AHI1: variants seen among roughly 807,000 people sequenced by gnomAD.
The protein encoded by AHI1 is jouberin.
In AHI1, 123 loss-of-function variants were observed where a neutral mutation model predicts 149.3. The observed-to-expected ratio is 0.82, with a 90% confidence interval of 0.71 to 0.96. The LOEUF is 0.96. Ranked by LOEUF, AHI1 falls within the 40% of genes least tolerant of loss-of-function variation. The pLI is 0.00. For missense variants in AHI1, 1,439 were observed against 1,422.7 expected, an observed-to-expected ratio of 1.01 and a Z score of -0.18; for synonymous variants, 475 against 459.8, an observed-to-expected ratio of 1.03 and a Z score of -0.42.
At chr6:135,348,092 C>A (rs1374553854) in intron 24 of AHI1, among the ~76,000 whole-genome samples, 3 of 152,142 alleles carry the variant, frequency 2.0e-5, no homozygotes, top group African/African-American at 7.2e-5. Flanking sequence ...AGACTAATCT[C>A]ACTGCTGGGG....
intron 5 of AHI1, 134 bp downstream of exon 5, chr6:135,490,489 A>G (rs1795100737): frequency 1.9e-6 from 2 of 1,028,092 alleles, no homozygotes; most frequent in African/African-American, 1.6e-5. Context: ...TATTTTTACC[A>G]CATGTTATTG....
intron 25 of AHI1, among the ~76,000 whole-genome samples, chr6:135,321,430 G>C (rs1236570124): frequency 6.6e-6 from 1 of 152,160 alleles, no homozygotes; most frequent in Non-Finnish European, 1.5e-5. Context: ...GACTGTGGCA[G>C]ATAAACTGAA....
intron 23 of AHI1, among the ~76,000 whole-genome samples, chr6:135,373,288 T>G (rs1309580824): frequency 1.3e-5 from 2 of 152,224 alleles, no homozygotes; most frequent in African/African-American, 4.8e-5. Context: ...TACAACTGCC[T>G]ATGGCATTAG....
intron 27 of AHI1, among the ~76,000 whole-genome samples, chr6:135,296,799 A>AT (rs1471314506): frequency 6.6e-6 from 1 of 152,086 alleles, no homozygotes; most frequent in Non-Finnish European, 1.5e-5. Context: ...TATAGCAGGG[A>AT]TTTTTTATCT....
intron 18 of AHI1, 108 bp from the exon 19 acceptor site, chr6:135,428,867 TTGAGAATC>T (rs1184544159): frequency 1.9e-6 from 2 of 1,031,758 alleles, no homozygotes; most frequent in African/African-American, 3.3e-5. Flanking sequence ...CAAACATTTT[TTGAGAATC>T]TGCCATATGG....
chr6:135,374,187 T>C lies in AHI1; in HGVS notation c.3110-16000A>G, dbSNP rs543810214. ...GGAGTGCAGTGGCGCAATCTCGGCT[T>C]ACTGCAAGCTCCACCTCCAGGTTCA... On this transcript the variant is annotated intron_variant, in intron 23 of 28. Transcript: ENST00000265602. 1.7e-3 allele frequency among the ~76,000 whole-genome samples: 249 copies of C among 145,352 alleles called. 1 individual carries two copies. Among genetic ancestry groups the C allele is most frequent in the African/African-American group, 6.1e-3 (239 of 39,326 alleles).
chr6:135,469,350 G>C (rs1791335922), intron 5 of AHI1, among the ~76,000 whole-genome samples: 1 of 152,084 alleles, frequency 6.6e-6, no homozygotes, highest in African/African-American at 2.4e-5. Flanking sequence ...GGTACTTATG[G>C]AACATACCTC....
At chr6:135,358,099 C>G (rs1372757962) in intron 24 of AHI1, 33 bp downstream of exon 24, 1 of 1,597,732 alleles carries the variant, frequency 6.3e-7, no homozygotes, top group Non-Finnish European at 8.6e-7. Context: ...ACTTTCTTAA[C>G]ACTTTTAACA....
chr6:135,360,437 G>A (rs886827462), intron 23 of AHI1, among the ~76,000 whole-genome samples: 9 of 152,146 alleles, frequency 5.9e-5, no homozygotes, highest in Admixed American at 5.9e-4. Context: ...GAGAGCGAGG[G>A]GATTCTGCCA....
At chr6:135,402,705 C>T (rs917446227) in intron 22 of AHI1, among the ~76,000 whole-genome samples, 3 of 152,152 alleles carry the variant, frequency 2.0e-5, no homozygotes, top group Admixed American at 1.3e-4. Context: ...AGGAAGACCT[C>T]TATGATGATT....
intron 26 of AHI1, chr6:135,302,672 A>G (rs1341211578): frequency 2.5e-6 from 3 of 1,191,820 alleles, no homozygotes; most frequent in South Asian, 3.2e-5. Flanking sequence ...ACACTTACTT[A>G]ACTAGGACCA....
chr6:135,340,640 CATAT>C (rs1307745954), intron 24 of AHI1, among the ~76,000 whole-genome samples: 1 of 72,628 alleles, frequency 1.4e-5, no homozygotes, highest in African/African-American at 5.2e-5. Context: ...AAAACCAGTA[CATAT>C]ATATACATAC....
At chr6:135,386,571 A>C (rs920280002) in intron 23 of AHI1, among the ~76,000 whole-genome samples, 8 of 152,004 alleles carry the variant, frequency 5.3e-5, no homozygotes, top group Non-Finnish European at 1.2e-4. Flanking sequence ...CGGCCTCCCA[A>C]AGTGCTGGGA....
Position 135,446,021 on chromosome 6 carries a change from A to G in AHI1, c.1779+987T>C, listed in dbSNP as rs916531492. On this transcript the variant is annotated intron_variant, in intron 13 of 28. Transcript: ENST00000265602. ...CAGTGAGCCGAGATTGCACCACTGC[A>G]CTCCAGCCTGGGCGACAGAGCAAGT... is the stretch of plus-strand genomic sequence containing the variant. Among the ~76,000 whole-genome samples, 11 of 151,594 alleles carry G rather than the reference A, an allele frequency of 7.3e-5. No individual in the cohort carries two copies. In the East Asian group the frequency reaches 1.7e-3, roughly 24 times the overall value.
chr6:135,384,648 T>G (rs973233318), intron 23 of AHI1, among the ~76,000 whole-genome samples: 2 of 152,212 alleles, frequency 1.3e-5, no homozygotes, highest in African/African-American at 4.8e-5. Context: ...CAAGTTTTAT[T>G]ATTAAAAGTG....
chr6:135,438,600 A>G (rs1055082789), intron 14 of AHI1, 102 bp from the exon 15 acceptor site: 1 of 908,746 alleles, frequency 1.1e-6, no homozygotes, highest in African/African-American at 1.7e-5. Flanking sequence ...GCAGTCTATA[A>G]CAAAATTATA....
intron 23 of AHI1, among the ~76,000 whole-genome samples, chr6:135,360,709 T>C (rs1011259199): frequency 5.3e-5 from 8 of 152,254 alleles, no homozygotes; most frequent in Admixed American, 1.3e-4. Flanking sequence ...TCATTCAACA[T>C]AATTGTGTAG....
rs77777890 is a variant in AHI1, at chr6:135,329,876, T to C, written c.3166-6552A>G. 2.6e-5 allele frequency among the ~76,000 whole-genome samples: 4 copies of C among 152,302 alleles called. No homozygotes were observed. In the East Asian group the frequency reaches 7.7e-4, roughly 29 times the overall value. ...TGTGGAAGGTTTATTCTGACCCTCA[T>C]GGATGACTCTGAGGGTTTTAAGACT... On this transcript the variant is annotated intron_variant, in intron 24 of 28. Coordinates refer to ENST00000265602, the MANE Select transcript of AHI1 (RefSeq NM_001134831.2).
intron 15 of AHI1, among the ~76,000 whole-genome samples, chr6:135,434,897 A>G (rs1207190986): frequency 6.6e-6 from 1 of 152,162 alleles, no homozygotes; most frequent in African/African-American, 2.4e-5. Context: ...CTCTGACTGT[A>G]TTAGAAGTTG....
Sources: gnomAD v4.1 joint callset for allele counts (sites outside exome capture counted in the v4.1 genomes callset) on GRCh38, gnomAD v4.1.1 for gene constraint, MANE v1.5 for transcripts, NCBI Gene and HGNC (gene_info 2026-07-23, HGNC 2026-07-21) for gene names.